Variants in AFF3 observed in about 807,000 individuals in gnomAD.
AFF3 encodes the protein AF4/FMR2 family member 3.
In AFF3, 32 loss-of-function variants were observed where a neutral mutation model predicts 129.7. That is an observed-to-expected ratio of 0.25 (90% CI 0.19 to 0.33). The LOEUF (loss-of-function observed/expected upper bound fraction) is 0.33. AFF3 is among the 10% of genes least tolerant of loss of function. AFF3 has a pLI of 1.00. For synonymous variants in AFF3, 644 were observed against 635.4 expected (o/e 1.01, Z -0.20); for missense variants, 1,373 against 1,592.0 (o/e 0.86, Z 2.34).
chr2:99,893,324 C>A (rs915802700), intron 7 of AFF3, among the ~76,000 whole-genome samples: 1 of 152,180 alleles, frequency 6.6e-6, no homozygotes, highest in East Asian at 1.9e-4. Flanking sequence ...GCATTTAATA[C>A]GTATGACTGA....
At chr2:99,695,302 G>A (rs1476384673) in intron 11 of AFF3, among the ~76,000 whole-genome samples, 1 of 152,188 alleles carries the variant, frequency 6.6e-6, no homozygotes, top group East Asian at 1.9e-4. Context: ...TATCTTGGGT[G>A]TTTCTGGCCC....
At chr2:99,626,440 TCCTTCCCTTCCCCTTCCTTC>T (rs1682572543) in intron 13 of AFF3, among the ~76,000 whole-genome samples, 1 of 86,812 alleles carries the variant, frequency 1.2e-5, no homozygotes. Context: ...TCCCTCCCTC[TCCTTCCCTTCCCCTTCCTTC>T]CTTCCTCCCT....
At chr2:99,828,367 A>G (rs1688261255) in intron 8 of AFF3, among the ~76,000 whole-genome samples, 1 of 152,172 alleles carries the variant, frequency 6.6e-6, no homozygotes, top group South Asian at 2.1e-4. Flanking sequence ...ATCCAGCATA[A>G]AGCAGACGTC....
At chr2:99,612,257 T>G (rs941958336) in intron 13 of AFF3, among the ~76,000 whole-genome samples, 5 of 152,226 alleles carry the variant, frequency 3.3e-5, no homozygotes, top group Admixed American at 6.5e-5. Flanking sequence ...CCTCTCTCAA[T>G]ACTTCCAACC....
intron 7 of AFF3, among the ~76,000 whole-genome samples, chr2:99,885,663 T>C (rs376204564): frequency 4.3e-4 from 65 of 152,250 alleles, no homozygotes; most frequent in African/African-American, 1.5e-3. Context: ...ATTCCATCCA[T>C]GGCCCCTTGT....
intron 7 of AFF3, among the ~76,000 whole-genome samples, chr2:99,866,181 T>C (rs973729896): frequency 1.3e-5 from 2 of 152,216 alleles, no homozygotes; most frequent in African/African-American, 2.4e-5. Context: ...CAATCATCTG[T>C]GAGTTACACT....
Position 100,006,741 on chromosome 2 carries a change from G to A in AFF3, c.764C>T (p.Ser255Leu), listed in dbSNP as rs1352670162. ...PDESPKLKSS[S>L]ETSVHCTSYR... ...TGATGTGCAGTGCACGCTGGTTTCCGAAGACGACTTCAGCTTAGGAGACTC... is the reference window on the plus strand; with the variant it reads ...TGATGTGCAGTGCACGCTGGTTTCCAAAGACGACTTCAGCTTAGGAGACTC... Residue 255 changes from serine to leucine, a missense_variant, in exon 7 of 25, where the codon TCG becomes TTG. Physicochemically the swap from Ser to Leu is moderately radical, Grantham distance 145. Coordinates refer to ENST00000672756, the MANE Select transcript of AFF3 (RefSeq NM_001386135.1). 1.5e-5 allele frequency: 24 copies of A among 1,614,192 alleles called. No individual in the cohort carries two copies. Among genetic ancestry groups the A allele is most frequent in the East Asian group, 1.3e-4 (6 of 44,878 alleles).
intron 17 of AFF3, among the ~76,000 whole-genome samples, chr2:99,582,286 CCCAAGT>C (rs1040582505): frequency 2.6e-5 from 4 of 152,152 alleles, no homozygotes; most frequent in African/African-American, 9.7e-5. Flanking sequence ...AGATTGTGAA[CCCAAGT>C]CCCCTGCTCT....
In AFF3 at chr2:99,582,983, T is replaced by G; in HGVS notation, c.2608A>C (p.Asn870His). ...GACCGAAGCATTTTTTCATTTTTAT[T>G]TATTGGTATTGCCACACTGAAAAAG... ...MNINSVAIPI[N>H]KNEKMLRSPI... is the part of the protein sequence containing the mutation. The change falls in exon 17 of 25, where the codon AAT (asparagine) becomes CAT (histidine). Residue 870 changes from asparagine (N) to histidine (H), a missense_variant. Coordinates refer to ENST00000672756, the MANE Select transcript of AFF3 (RefSeq NM_001386135.1). 1.2e-6 allele frequency: 2 copies of G among 1,614,038 alleles called. No homozygotes were observed. The highest frequency in any genetic ancestry group is 1.7e-6 in the Non-Finnish European group (2 of 1,179,976).
At chr2:99,789,870 C>T (rs906544663) in intron 8 of AFF3, among the ~76,000 whole-genome samples, 2 of 152,212 alleles carry the variant, frequency 1.3e-5, no homozygotes, top group East Asian at 3.8e-4. Flanking sequence ...ACAAAATGAT[C>T]TTCTTTGCAT....
At chr2:99,868,418 G>A (rs1423305355) in intron 7 of AFF3, among the ~76,000 whole-genome samples, 1 of 152,178 alleles carries the variant, frequency 6.6e-6, no homozygotes, top group African/African-American at 2.4e-5. Flanking sequence ...CGGGAGGGGA[G>A]ACAGCAGGCC....
intron 12 of AFF3, among the ~76,000 whole-genome samples, chr2:99,661,398 GA>G (rs1348331940): frequency 6.6e-6 from 1 of 152,160 alleles, no homozygotes; most frequent in Non-Finnish European, 1.5e-5. Flanking sequence ...ATCCTTTTAT[GA>G]ATTCTTCATC....
At chr2:99,765,805 T>G (rs568034740) in intron 8 of AFF3, among the ~76,000 whole-genome samples, 1 of 152,316 alleles carries the variant, frequency 6.6e-6, no homozygotes, top group Admixed American at 6.5e-5. Flanking sequence ...GGTTAATTAT[T>G]CATAGTCAAA....
At chr2:99,779,432 T>C (rs10460487) in intron 8 of AFF3, among the ~76,000 whole-genome samples, 15,230 of 152,230 alleles carry the variant, frequency 0.1, 2,366 homozygotes, top group African/African-American at 0.33. Flanking sequence ...TAATATTACA[T>C]AGCAGTGTGG....
intron 8 of AFF3, among the ~76,000 whole-genome samples, chr2:99,814,836 T>C (rs1271518937): frequency 1.3e-5 from 2 of 148,184 alleles, no homozygotes; most frequent in African/African-American, 5.0e-5. Flanking sequence ...GCCATATGAT[T>C]TGGCATTTTA....
intron 8 of AFF3, among the ~76,000 whole-genome samples, chr2:99,822,027 T>C (rs1333124031): frequency 2.6e-5 from 4 of 152,322 alleles, no homozygotes; most frequent in East Asian, 1.9e-4. Flanking sequence ...TTTGGAAATA[T>C]TGATATTTTA....
At position 100,104,428 on chromosome 2, in the gene AFF3, G is replaced by A; in HGVS notation, c.27C>T (p.Leu9=). The change falls in exon 4 of 25, where the codon CTC becomes CTT. Residue 9 remains leucine, a synonymous_variant. Coordinates refer to ENST00000672756, the MANE Select transcript of AFF3 (RefSeq NM_001386135.1). MDSFDLAL[L]QEWDLESLCV... ...ACAGTGACTCGAGGTCCCATTCCTG[G>A]AGCAGGGCTAAGTCGAAGCTGTCCA... The A allele has an allele frequency of 7.7e-7, 1 of 1,300,134 alleles. No individual in the cohort carries two copies. Among genetic ancestry groups the A allele is most frequent in the South Asian group, 1.4e-5 (1 of 70,700 alleles). The allele number at this position is 1,300,134 out of a possible 1,614,324, so 80.5% of individuals were successfully genotyped here. A position where few individuals can be genotyped will look rare whatever the true frequency, so the allele number is the denominator to read the frequency against.
At chr2:99,838,090 T>C (rs1437200267) in intron 7 of AFF3, among the ~76,000 whole-genome samples, 1 of 152,168 alleles carries the variant, frequency 6.6e-6, no homozygotes, top group African/African-American at 2.4e-5. Flanking sequence ...CTCAAGTCAC[T>C]TGTTCTGTCA....
At chr2:99,929,937 G>C (rs1696549417) in intron 7 of AFF3, among the ~76,000 whole-genome samples, 1 of 150,418 alleles carries the variant, frequency 6.6e-6, no homozygotes, top group Non-Finnish European at 1.5e-5. Flanking sequence ...TTTTTAATGA[G>C]TATCTGACTT....
Sources: gnomAD v4.1 joint callset for allele counts (sites outside exome capture counted in the v4.1 genomes callset) on GRCh38, gnomAD v4.1.1 for gene constraint, MANE v1.5 for transcripts, NCBI Gene and HGNC (gene_info 2026-07-23, HGNC 2026-07-21) for gene names.